Variants in SLC26A5 observed in about 807,000 individuals in gnomAD.
SLC26A5 encodes the protein prestin.
In SLC26A5, 51 loss-of-function variants were observed where a neutral mutation model predicts 81.0. The observed-to-expected ratio is 0.63, with a 90% confidence interval of 0.50 to 0.80. SLC26A5 has a LOEUF of 0.80. Ranked by LOEUF, SLC26A5 falls within the 30% of genes least tolerant of loss-of-function variation. SLC26A5 has a pLI of 0.00. For synonymous variants in SLC26A5, 325 were observed against 332.8 expected, an observed-to-expected ratio of 0.98 and a Z score of 0.25; for missense variants, 771 against 905.8, an observed-to-expected ratio of 0.85 and a Z score of 1.91.
chr7:103,372,990 C>T (rs1821121236), downstream of SLC26A5, among the ~76,000 whole-genome samples: 1 of 151,816 alleles, frequency 6.6e-6, no homozygotes, highest in Non-Finnish European at 1.5e-5. Context: ...TCTGGTAGAA[C>T]TGTAGGTAAG....
chr7:103,411,307 G>A lies in SLC26A5; in HGVS notation c.570+113C>T. 3 of 1,239,954 alleles carry A rather than the reference G, an allele frequency of 2.4e-6. No individual in the cohort carries two copies. In the East Asian group the frequency reaches 7.1e-5, roughly 29 times the overall value. 76.8% of individuals were successfully genotyped at this position (1,239,954 alleles called of 1,614,324 possible). Reference sequence around the variant, plus strand: ...GTCTGCAGTTACTCCCAGAGCTCTGGGGTTTTTCTGGCTGACCCCATCCAC... The same window carrying A: ...GTCTGCAGTTACTCCCAGAGCTCTGAGGTTTTTCTGGCTGACCCCATCCAC... On this transcript the variant is annotated intron_variant, in intron 6 of 19. Coordinates refer to ENST00000306312, the MANE Select transcript of SLC26A5 (RefSeq NM_198999.3).
intron 10 of SLC26A5, among the ~76,000 whole-genome samples, chr7:103,391,944 C>T (rs1223535642): frequency 6.6e-6 from 1 of 152,144 alleles, no homozygotes; most frequent in Admixed American, 6.5e-5. Context: ...TTTATTTTGT[C>T]AGAGATAAAC....
chr7:103,359,922 T>C (rs983020401), intron 19 of SLC26A5, among the ~76,000 whole-genome samples: 3 of 151,856 alleles, frequency 2.0e-5, no homozygotes, highest in Non-Finnish European at 4.4e-5. Context: ...CTACTAAAAA[T>C]ATAAAAATAT....
rs1216810048 is a variant in SLC26A5, at chr7:103,421,360, T to C, written c.152+3A>G. On this transcript the variant is annotated splice_donor_region_variant and intron_variant, in intron 3 of 19. Coordinates refer to ENST00000306312, the MANE Select transcript of SLC26A5 (RefSeq NM_198999.3). The stretch of plus-strand genomic sequence containing the variant: ...AACAGAAACAGGTTAAAAGGCAACG[T>C]ACGTGAATGCCTGTTTCAGCTTATC... The C allele has an allele frequency of 6.2e-7, 1 of 1,614,038 alleles. No individual in the cohort carries two copies. The highest frequency in any genetic ancestry group is 8.5e-7 in the Non-Finnish European group (1 of 1,179,944).
downstream of SLC26A5, among the ~76,000 whole-genome samples, chr7:103,369,546 C>G (rs1406110406): frequency 6.6e-6 from 1 of 152,210 alleles, no homozygotes; most frequent in South Asian, 2.1e-4. Context: ...TAATCGGCCA[C>G]ACATCAAATG....
At chr7:103,364,954 C>CGTACATATATAT (rs1486934625) in intron 19 of SLC26A5, among the ~76,000 whole-genome samples, 1 of 38,962 alleles carries the variant, frequency 2.6e-5, no homozygotes, top group Non-Finnish European at 4.5e-5. Context: ...TGTTTGTAGA[C>CGTACATATATAT]ATACATATAT....
intron 19 of SLC26A5, chr7:103,361,912 A>G: frequency 1.3e-6 from 2 of 1,557,776 alleles, no homozygotes; most frequent in Non-Finnish European, 1.7e-6. Context: ...ATTCATTATT[A>G]GTGGCTTAGG....
At chr7:103,411,391 C>T (rs375192946) in intron 6 of SLC26A5, 29 bp downstream of exon 6, 3 of 1,613,344 alleles carry the variant, frequency 1.9e-6, no homozygotes, top group Non-Finnish European at 2.5e-6. Flanking sequence ...ACAAACGAGA[C>T]AGTCCATTTC....
intron 19 of SLC26A5, among the ~76,000 whole-genome samples, chr7:103,359,133 T>A (rs1395138458): frequency 1.5e-5 from 2 of 131,230 alleles, no homozygotes; most frequent in Non-Finnish European, 3.2e-5. Flanking sequence ...CCACCCCATG[T>A]CTGGCTTTTT....
chr7:103,397,642 G>C (rs1408083481), intron 9 of SLC26A5, among the ~76,000 whole-genome samples: 4 of 150,604 alleles, frequency 2.7e-5, no homozygotes, highest in Admixed American at 2.0e-4. Context: ...GCTTCAACCT[G>C]GGAGACGGAG....
intron 7 of SLC26A5, among the ~76,000 whole-genome samples, chr7:103,409,673 A>G (rs2116636472): frequency 6.6e-6 from 1 of 152,116 alleles, no homozygotes; most frequent in East Asian, 1.9e-4. Flanking sequence ...TAAATCTTTT[A>G]TAGCCTTACT....
intron 19 of SLC26A5, among the ~76,000 whole-genome samples, chr7:103,357,887 C>T (rs1266265222): frequency 6.6e-6 from 1 of 152,118 alleles, no homozygotes; most frequent in African/African-American, 2.4e-5. Context: ...TCAGTTATAC[C>T]TTAGTTGCAT....
At chr7:103,360,762 G>A (rs1476842253) in intron 19 of SLC26A5, among the ~76,000 whole-genome samples, 2 of 152,128 alleles carry the variant, frequency 1.3e-5, no homozygotes, top group Non-Finnish European at 2.9e-5. Flanking sequence ...GATGTGCATG[G>A]CATTATAAAT....
chr7:103,362,438 A>C, intron 19 of SLC26A5: 1 of 1,359,130 alleles, frequency 7.4e-7, no homozygotes, highest in African/African-American at 1.5e-5. Context: ...CAACTCACTT[A>C]GTAAATTAAA....
intron 1 of SLC26A5, among the ~76,000 whole-genome samples, chr7:103,443,682 C>T (rs1174977628): frequency 6.6e-6 from 1 of 152,184 alleles, no homozygotes; most frequent in Non-Finnish European, 1.5e-5. Context: ...ACAAAGAATA[C>T]AATTATTCCT....
chr7:103,410,668 T>G lies in SLC26A5; in HGVS notation c.571-119A>C, dbSNP rs989372161. ...TTTCTTTTTTTTTTGAGATGGAGTC[T>G]TGCTCTGTCACCCAGGCAGTGGCAC... On this transcript the variant is annotated intron_variant, in intron 6 of 19. Coordinates refer to ENST00000306312, the MANE Select transcript of SLC26A5 (RefSeq NM_198999.3). 37 of 940,302 alleles carry G rather than the reference T, an allele frequency of 3.9e-5. No homozygotes were observed. The African/African-American group carries it at 6.1e-4, about 15-fold the overall frequency. 58.2% of individuals were successfully genotyped at this position (940,302 alleles called of 1,614,324 possible). A position where few individuals can be genotyped will look rare whatever the true frequency, so the allele number is the denominator to read the frequency against.
rs1450506911 is a variant in SLC26A5, at chr7:103,413,064, T to C, written c.341A>G (p.Tyr114Cys). 3 of 1,613,852 alleles carry C rather than the reference T, an allele frequency of 1.9e-6. No homozygotes were observed. The highest frequency in any genetic ancestry group is 2.5e-6 in the Non-Finnish European group (3 of 1,179,970). ...LAAVPPIFGL[Y>C]SSFYPVIMYC... ...CATGATAACAGGGTAAAATGAAGAG[T>C]ACAGGCCAAATATTGGAGGCACAGC... The change falls in exon 5 of 20, where the codon TAC becomes TGC. Residue 114 changes from tyrosine (Y) to cysteine (C), a missense_variant. Transcript: ENST00000306312.
Position 103,389,350 on chromosome 7 carries a change from C to G in SLC26A5, c.1386G>C (p.Trp462Cys). 6.2e-7 allele frequency: 1 copy of G among 1,613,826 alleles called. No homozygotes were observed. Among genetic ancestry groups the G allele is most frequent in the Non-Finnish European group, 8.5e-7 (1 of 1,179,736 alleles). ...FMQFSDLPFF[W>C]RTSKIELTIW... is the part of the protein sequence containing the mutation. ...TTACCAGCTCTATTTTGCTGGTTCT[C>G]CAGAAAAAGGGGAGATCTGAGAACT... The change falls in exon 13 of 20, where the codon TGG (tryptophan) becomes TGC (cysteine). Residue 462 changes from tryptophan to cysteine, a missense_variant. Transcript: ENST00000306312.
intron 2 of SLC26A5, among the ~76,000 whole-genome samples, chr7:103,428,748 A>G (rs572646147): frequency 2.8e-4 from 42 of 151,964 alleles, no homozygotes; most frequent in Admixed American, 1.2e-3. Flanking sequence ...TAATATTTTT[A>G]CTAGAGATGG....
Sources: gnomAD v4.1 joint callset for allele counts (sites outside exome capture counted in the v4.1 genomes callset) on GRCh38, gnomAD v4.1.1 for gene constraint, MANE v1.5 for transcripts, NCBI Gene and HGNC (gene_info 2026-07-23, HGNC 2026-07-21) for gene names.